PRKG1: variants seen among roughly 807,000 people sequenced by gnomAD.
PRKG1 encodes protein kinase cGMP-dependent 1.
In PRKG1, 35 loss-of-function variants were observed where a neutral mutation model predicts 88.1. The observed-to-expected ratio is 0.40, with a 90% confidence interval of 0.30 to 0.53. PRKG1 has a LOEUF of 0.53. Among genes scored for constraint, PRKG1 ranks in the 20% least tolerant of loss-of-function variants. PRKG1 has a pLI of 0.59. For missense variants in PRKG1, 540 were observed against 839.8 expected, an observed-to-expected ratio of 0.64 and a Z score of 4.41; for synonymous variants, 303 against 292.5, an observed-to-expected ratio of 1.04 and a Z score of -0.37.
chr10:52,026,466 G>A (rs549127090), intron 5 of PRKG1, among the ~76,000 whole-genome samples: 34 of 152,282 alleles, frequency 2.2e-4, no homozygotes, highest in African/African-American at 6.7e-4. Context: ...AAGACCATGT[G>A]TTGTATGATT....
chr10:51,699,831 C>G (rs1038406980), intron 3 of PRKG1, among the ~76,000 whole-genome samples: 1 of 152,194 alleles, frequency 6.6e-6, no homozygotes, highest in African/African-American at 2.4e-5. Flanking sequence ...GCCCCAACAG[C>G]CCCACTACGA....
intron 1 of PRKG1, among the ~76,000 whole-genome samples, chr10:51,063,112 A>G (rs1403148293): frequency 6.6e-6 from 1 of 152,220 alleles, no homozygotes; most frequent in Non-Finnish European, 1.5e-5. Flanking sequence ...CAAACTTTAT[A>G]CATTATTAGA....
chr10:52,293,074 A>C (rs1842293182), intron 17 of PRKG1, among the ~76,000 whole-genome samples: 1 of 151,244 alleles, frequency 6.6e-6, no homozygotes, highest in Admixed American at 6.6e-5. Flanking sequence ...CTCAGGATAC[A>C]AAATCAATGT....
chr10:51,508,462 A>G (rs1016028650), intron 3 of PRKG1, among the ~76,000 whole-genome samples: 2 of 152,180 alleles, frequency 1.3e-5, no homozygotes, highest in African/African-American at 4.8e-5. Flanking sequence ...GCAGCATTCT[A>G]TTAATTTTAA....
At chr10:52,249,837 C>CA (rs34334360) in intron 9 of PRKG1, among the ~76,000 whole-genome samples, 37,532 of 151,778 alleles carry the variant, frequency 0.25, 4,991 homozygotes, top group Admixed American at 0.29. Context: ...CTAAAAAAAA[C>CA]AAAAAGCAAA....
At chr10:51,463,475 A>T (rs1230299586) in intron 2 of PRKG1, among the ~76,000 whole-genome samples, 1 of 152,204 alleles carries the variant, frequency 6.6e-6, no homozygotes. Context: ...TCTCAGAGGT[A>T]GCCACAGAAT....
intron 5 of PRKG1, among the ~76,000 whole-genome samples, chr10:52,054,268 AT>A (rs1846056697): frequency 6.6e-6 from 1 of 152,182 alleles, no homozygotes; most frequent in Non-Finnish European, 1.5e-5. Flanking sequence ...TTAAAGTGTA[AT>A]AATAATAAAA....
intron 3 of PRKG1, among the ~76,000 whole-genome samples, chr10:51,705,203 T>G (rs1841576690): frequency 6.6e-6 from 1 of 152,202 alleles, no homozygotes; most frequent in Admixed American, 6.5e-5. Context: ...ATCTTTCTGT[T>G]CTTCAATGCT....
intron 3 of PRKG1, among the ~76,000 whole-genome samples, chr10:51,604,457 C>T (rs1838702303): frequency 1.3e-5 from 2 of 152,036 alleles, no homozygotes; most frequent in South Asian, 4.1e-4. Context: ...TTCTTTCTTC[C>T]CCCATTAGAT....
chr10:51,252,001 T>TATGC (rs1839438531), intron 2 of PRKG1, among the ~76,000 whole-genome samples: 1 of 151,788 alleles, frequency 6.6e-6, no homozygotes, highest in African/African-American at 2.4e-5. Context: ...TTGCAGATAA[T>TATGC]ATGCAGTATA....
intron 2 of PRKG1, among the ~76,000 whole-genome samples, chr10:51,296,870 T>G (rs929132261): frequency 3.3e-5 from 5 of 152,114 alleles, no homozygotes; most frequent in African/African-American, 9.7e-5. Context: ...TGCTTTTCCA[T>G]GTTTTCTTTA....
intron 4 of PRKG1, among the ~76,000 whole-genome samples, chr10:51,896,660 A>G (rs1002090231): frequency 2.0e-5 from 3 of 150,716 alleles, no homozygotes; most frequent in Admixed American, 6.6e-5. Context: ...AAAAAAAAAA[A>G]AAAAAAAAAA....
intron 3 of PRKG1, among the ~76,000 whole-genome samples, chr10:51,517,107 A>G (rs61849819): frequency 0.049 from 7,487 of 152,322 alleles, 301 homozygotes; most frequent in Middle Eastern, 0.12. Flanking sequence ...TTAAGAAGAG[A>G]AAAGCATGCA....
At chr10:51,836,252 A>G (rs1564667884) in intron 4 of PRKG1, among the ~76,000 whole-genome samples, 1 of 152,202 alleles carries the variant, frequency 6.6e-6, no homozygotes, top group South Asian at 2.1e-4. Context: ...ATTTTTGACA[A>G]ATGTGCCAAG....
At chr10:52,206,385 C>T (rs1323261750) in intron 9 of PRKG1, among the ~76,000 whole-genome samples, 4 of 152,138 alleles carry the variant, frequency 2.6e-5, no homozygotes, top group African/African-American at 9.7e-5. Context: ...TCACTCCTCT[C>T]TATATTCTGA....
At chr10:51,981,559 T>C (rs114160545) in intron 5 of PRKG1, among the ~76,000 whole-genome samples, 5,729 of 152,050 alleles carry the variant, frequency 0.038, 340 homozygotes, top group African/African-American at 0.13. Flanking sequence ...GTGCTTCAGC[T>C]TGGGTGACAG....
intron 3 of PRKG1, among the ~76,000 whole-genome samples, chr10:51,481,479 C>T (rs1344782559): frequency 6.6e-6 from 1 of 152,058 alleles, no homozygotes; most frequent in Non-Finnish European, 1.5e-5. Context: ...TAACCCATGG[C>T]CTCAGATGAT....
intron 7 of PRKG1, among the ~76,000 whole-genome samples, chr10:52,132,191 A>G (rs1343196892): frequency 6.6e-6 from 1 of 152,152 alleles, no homozygotes; most frequent in African/African-American, 2.4e-5. Context: ...GGAAAAAGTA[A>G]TATCATCAGA....
chr10:52,024,654 T>G (rs1300100558), intron 5 of PRKG1, among the ~76,000 whole-genome samples: 1 of 152,186 alleles, frequency 6.6e-6, no homozygotes, highest in Non-Finnish European at 1.5e-5. Flanking sequence ...ACAAAGGACA[T>G]GAACTCATCC....
Sources: gnomAD v4.1 joint callset for allele counts (sites outside exome capture counted in the v4.1 genomes callset) on GRCh38, gnomAD v4.1.1 for gene constraint, MANE v1.5 for transcripts, NCBI Gene and HGNC (gene_info 2026-07-23, HGNC 2026-07-21) for gene names.